The following BAAT variants were observed in gnomAD, a reference collection of about 807,000 sequenced individuals.
The protein encoded by BAAT is bile acid CoA: amino acid N-acyltransferase (glycine N-choloyltransferase).
Under a neutral mutation model 18.9 loss-of-function variants are expected in BAAT, and 13 were observed. That is an observed-to-expected ratio of 0.69 (90% CI 0.45 to 1.10). The LOEUF (loss-of-function observed/expected upper bound fraction) is 1.10, where lower values mean the gene tolerates loss of function less well. Ranked by LOEUF, BAAT falls within the 50% of genes least tolerant of loss-of-function variation. The pLI is 0.00. For missense variants in BAAT, 489 were observed against 504.0 expected (o/e 0.97, Z 0.28); for synonymous variants, 170 against 190.7 (o/e 0.89, Z 0.89).
At chr9:101,363,305 A>G (rs745846755) in intron 3 of BAAT, among the ~76,000 whole-genome samples, 1 of 152,224 alleles carries the variant, frequency 6.6e-6, no homozygotes, top group Admixed American at 6.5e-5. Flanking sequence ...GAAATGGCAC[A>G]TGACTATTGT....
chr9:101,383,174 C>A (rs1289942192), intron 1 of BAAT, among the ~76,000 whole-genome samples: 2 of 152,164 alleles, frequency 1.3e-5, no homozygotes, highest in African/African-American at 4.8e-5. Flanking sequence ...TAACAAATGA[C>A]TTCTGATAGC....
At chr9:101,376,853 A>C (rs1830056523) in intron 1 of BAAT, among the ~76,000 whole-genome samples, 1 of 152,204 alleles carries the variant, frequency 6.6e-6, no homozygotes, top group African/African-American at 2.4e-5. Context: ...GAAACATAGA[A>C]AGCAATTTTG....
intron 3 of BAAT, among the ~76,000 whole-genome samples, chr9:101,367,455 T>G (rs1829849599): frequency 6.6e-6 from 1 of 151,982 alleles, no homozygotes. Context: ...CATCTTTGAG[T>G]GCTTAGTATT....
chr9:101,374,214 G>A (rs911645730), intron 1 of BAAT, among the ~76,000 whole-genome samples: 15 of 152,080 alleles, frequency 9.9e-5, no homozygotes, highest in Non-Finnish European at 1.5e-5. Context: ...TCTCATCTCA[G>A]TTACCTGTCT....
At position 101,362,798 on chromosome 9, in the gene BAAT, T is replaced by C. The variant is rs1829758722; in HGVS notation, c.887A>G (p.Tyr296Cys). The C allele has an allele frequency of 1.2e-6, 2 of 1,614,180 alleles. No individual in the cohort carries two copies. The highest frequency in any genetic ancestry group is 1.7e-6 in the Non-Finnish European group (2 of 1,180,020). ...AACTTGAGTTGTCTCAAAAGTGCGA[T>C]AGAGCTCTAGTAACCCCAAGGCATT... is the stretch of plus-strand genomic sequence containing the variant. ...STNALGLLELYRTFETTQVGA... is the reference protein window; with the variant it reads ...STNALGLLELCRTFETTQVGA... Residue 296 changes from tyrosine to cysteine, a missense_variant, in exon 4 of 4, where the codon TAT becomes TGT. Physicochemically the swap from Tyr to Cys is radical, Grantham distance 194. Transcript: ENST00000259407.
Position 101,370,799 on chromosome 9 carries a change from G to A in BAAT, c.466+140C>T, listed in dbSNP as rs192774884. On this transcript the variant is annotated intron_variant, in intron 2 of 3. Coordinates refer to ENST00000259407, the MANE Select transcript of BAAT (RefSeq NM_001701.4). ...CCATATTCAAGTTAAATTTCTGGAG[G>A]GATAATGCATTTAAGGTGGAAAAAC... 3.3e-5 allele frequency: 31 copies of A among 942,310 alleles called. No individual in the cohort carries two copies. In the East Asian group the frequency reaches 6.3e-4, roughly 19 times the overall value. The allele number at this position is 942,310 out of a possible 1,614,324, so 58.4% of individuals were successfully genotyped here.
chr9:101,373,784 G>C (rs1464413726), intron 1 of BAAT, among the ~76,000 whole-genome samples: 1 of 152,002 alleles, frequency 6.6e-6, no homozygotes, highest in Admixed American at 6.5e-5. Flanking sequence ...TTGGCAAACA[G>C]ACTAACTCCT....
At chr9:101,367,235 G>C (rs148704174) in intron 3 of BAAT, among the ~76,000 whole-genome samples, 9 of 151,946 alleles carry the variant, frequency 5.9e-5, no homozygotes, top group Admixed American at 6.6e-5. Context: ...ATTTTAAAAG[G>C]CATATGGATT....
chr9:101,370,905 C>T (rs1415171997), intron 2 of BAAT, 34 bp downstream of exon 2: 1 of 1,601,606 alleles, frequency 6.2e-7, no homozygotes, highest in Non-Finnish European at 8.6e-7. Flanking sequence ...AGTGGAAAAA[C>T]AAGAATAACA....
At chr9:101,379,932 A>T (rs1830105803) in intron 1 of BAAT, among the ~76,000 whole-genome samples, 1 of 152,162 alleles carries the variant, frequency 6.6e-6, no homozygotes, top group African/African-American at 2.4e-5. Flanking sequence ...TACTCCAAAG[A>T]CTAGAGATGA....
chr9:101,363,938 G>C (rs1011078277), intron 3 of BAAT, among the ~76,000 whole-genome samples: 1 of 152,166 alleles, frequency 6.6e-6, no homozygotes. Context: ...GAGCCCAGGA[G>C]TTCAAGGCTT....
rs1429223542 is a variant in BAAT, at chr9:101,363,656, CA to C, written c.670-642del. Among the ~76,000 whole-genome samples, 4 of 145,494 alleles carry C rather than the reference CA, an allele frequency of 2.7e-5. No homozygotes were observed. The East Asian group carries it at 7.9e-4, about 29-fold the overall frequency. Reference sequence around the variant, plus strand: ...GAAGACACAGGAGGAAAAAAAAAAACACACCAGATGATTGGAGCATCATAAA... The same window carrying C: ...GAAGACACAGGAGGAAAAAAAAAAACCACCAGATGATTGGAGCATCATAAA... On this transcript the variant is annotated intron_variant, in intron 3 of 3. Coordinates refer to ENST00000259407, the MANE Select transcript of BAAT (RefSeq NM_001701.4).
intron 1 of BAAT, among the ~76,000 whole-genome samples, chr9:101,380,959 G>A (rs1348728328): frequency 6.6e-6 from 1 of 151,706 alleles, no homozygotes; most frequent in African/African-American, 2.4e-5. Context: ...GTTTCAGCAT[G>A]TTGGTCAGGC....
chr9:101,379,030 GATA>G (rs1308611848), intron 1 of BAAT, among the ~76,000 whole-genome samples: 2 of 152,202 alleles, frequency 1.3e-5, no homozygotes, highest in Non-Finnish European at 2.9e-5. Flanking sequence ...ACCACAATGA[GATA>G]ATATCTCATG....
intron 2 of BAAT, among the ~76,000 whole-genome samples, chr9:101,369,790 C>CT (rs1249923007): frequency 1.3e-5 from 2 of 152,024 alleles, no homozygotes; most frequent in South Asian, 2.1e-4. Context: ...GCTTTTATTG[C>CT]TTTTTTTTCT....
intron 1 of BAAT, among the ~76,000 whole-genome samples, chr9:101,381,061 GTGTGTATTTGTA>G (rs1307480250): frequency 2.0e-5 from 3 of 151,982 alleles, no homozygotes; most frequent in Non-Finnish European, 2.9e-5. Flanking sequence ...CTGGCTGTGT[GTGTGTATTTGTA>G]TGTGTATTTG....
chr9:101,380,439 T>G (rs1024015391), intron 1 of BAAT, among the ~76,000 whole-genome samples: 3 of 152,120 alleles, frequency 2.0e-5, no homozygotes, highest in African/African-American at 2.4e-5. Context: ...GTCACTCTCT[T>G]TGTTCAGTGT....
chr9:101,365,316 G>A (rs1010215026), intron 3 of BAAT, among the ~76,000 whole-genome samples: 2 of 151,046 alleles, frequency 1.3e-5, no homozygotes, highest in Non-Finnish European at 2.9e-5. Flanking sequence ...CTACTACTTA[G>A]AAACACATGA....
intron 1 of BAAT, among the ~76,000 whole-genome samples, chr9:101,382,883 T>G (rs573765357): frequency 1.3e-5 from 2 of 152,358 alleles, no homozygotes; most frequent in African/African-American, 4.8e-5. Context: ...TTGCTTTTTT[T>G]GGTATTTTTT....
Sources: allele counts gnomAD v4.1 joint callset (sites outside exome capture counted in the v4.1 genomes callset), GRCh38; gene constraint gnomAD v4.1.1; transcripts MANE v1.5; gene names NCBI Gene and HGNC (gene_info 2026-07-23, HGNC 2026-07-21).